Variants in WDR88 observed in about 807,000 individuals in gnomAD.
WDR88 encodes the protein WD repeat-containing protein 88.
In WDR88, 40 loss-of-function variants were observed where a neutral mutation model predicts 46.8. The ratio of observed to expected loss-of-function variants is 0.86; its 90% CI spans 0.66 to 1.11. WDR88 has a LOEUF of 1.11. WDR88 is among the 50% of genes most tolerant of loss of function. WDR88 has a pLI of 0.00. For synonymous variants in WDR88, 235 were observed against 240.7 expected (o/e 0.98, Z 0.22); for missense variants, 562 against 602.4 (o/e 0.93, Z 0.70).
chr19:33,163,264 C>T (rs1025763439), intron 8 of WDR88, among the ~76,000 whole-genome samples: 5 of 150,552 alleles, frequency 3.3e-5, no homozygotes, highest in Non-Finnish European at 4.4e-5. Context: ...ACTTGGGAGG[C>T]GGAGCTTGCA....
intron 5 of WDR88, among the ~76,000 whole-genome samples, chr19:33,149,643 C>T (rs1437452481): frequency 6.6e-6 from 1 of 151,472 alleles, no homozygotes; most frequent in Non-Finnish European, 1.5e-5. Flanking sequence ...CCCCCTCACC[C>T]GGCCTACCTG....
intron 10 of WDR88, chr19:33,174,293 C>T: frequency 6.5e-7 from 1 of 1,531,252 alleles, no homozygotes; most frequent in Non-Finnish European, 8.7e-7. Flanking sequence ...GAGGCCTGCC[C>T]CAGGTAGGGT....
rs754265385 is a variant in WDR88, at chr19:33,144,944, C to T, written c.476+12C>T. 7.4e-6 allele frequency: 12 copies of T among 1,611,042 alleles called. No homozygotes were observed. Among genetic ancestry groups the T allele is most frequent in the Admixed American group, 1.7e-5 (1 of 59,604 alleles). Reference sequence around the variant, plus strand: ...GGCGACAGCAGCAGGTGACCTTTCCCTCGTCTTACACTGGGAAGAGGGAGG... The same window carrying T: ...GGCGACAGCAGCAGGTGACCTTTCCTTCGTCTTACACTGGGAAGAGGGAGG... On this transcript the variant is annotated intron_variant, in intron 3 of 10. Coordinates refer to ENST00000355868, the MANE Select transcript of WDR88 (RefSeq NM_173479.4).
At chr19:33,151,462 G>A in intron 6 of WDR88, 152 bp downstream of exon 6, 1 of 975,558 alleles carries the variant, frequency 1.0e-6, no homozygotes, top group Non-Finnish European at 1.5e-6. Context: ...AGGCAGGAGG[G>A]AGCCATCAGC....
At chr19:33,157,675 GTGTGTATGTA>G (rs1187052462) in intron 7 of WDR88, among the ~76,000 whole-genome samples, 8,382 of 16,414 alleles carry the variant, frequency 0.51, 521 homozygotes, top group South Asian at 0.59. Context: ...GTATGTGTGT[GTGTGTATGTA>G]TGTATATATA....
intron 10 of WDR88, chr19:33,174,948 A>G: frequency 1.0e-6 from 1 of 985,440 alleles, no homozygotes; most frequent in Non-Finnish European, 1.2e-6. Flanking sequence ...GAGATTCCAG[A>G]GAGGGGCTGC....
intron 2 of WDR88, among the ~76,000 whole-genome samples, chr19:33,138,585 G>A (rs1432971647): frequency 1.3e-5 from 2 of 151,798 alleles, no homozygotes; most frequent in East Asian, 1.9e-4. Context: ...GACTTCAGAT[G>A]ATCCACCTGC....
At position 33,137,735 on chromosome 19, in the gene WDR88, TG is replaced by T; in HGVS notation, c.337del (p.Asp113MetfsTer14). On this transcript the variant is annotated frameshift_variant, in exon 2 of 11. Coordinates refer to ENST00000355868, the MANE Select transcript of WDR88 (RefSeq NM_173479.4). LOFTEE classifies it high-confidence loss of function. ...GCTGTGAGCACCTGCCACTTCTGTG[TG>T]GATGACACAAAGCTCCTCAGTGGCT... is the stretch of plus-strand genomic sequence containing the variant. ...EHAVSTCHFCVDDTKLLSGSY... is the reference protein window; with the variant it reads ...EHAVSTCHFCXDDTKLLSGSY... The T allele has an allele frequency of 6.2e-7, 1 of 1,613,944 alleles. No individual in the cohort carries two copies. The highest frequency in any genetic ancestry group is 8.5e-7 in the Non-Finnish European group (1 of 1,180,016).
At chr19:33,159,382 A>ATAAC (rs200087009) in intron 7 of WDR88, among the ~76,000 whole-genome samples, 2,292 of 144,144 alleles carry the variant, frequency 0.016, 43 homozygotes, top group Middle Eastern at 0.025. Flanking sequence ...AAATAAATAA[A>ATAAC]TAACAAATAA....
chr19:33,173,204 T>C (rs1310230345), intron 10 of WDR88, among the ~76,000 whole-genome samples: 2 of 129,090 alleles, frequency 1.5e-5, no homozygotes, highest in African/African-American at 6.0e-5. Context: ...ATCGGAGGGG[T>C]GGAGTGAGGG....
At chr19:33,142,760 C>T (rs1973423929) in intron 2 of WDR88, 1 of 143,394 alleles carries the variant, frequency 7.0e-6, no homozygotes, top group Admixed American at 7.6e-5. Context: ...GTAATCCCAG[C>T]AATTTGGGAG....
chr19:33,152,234 A>AATATATATATATATAT (rs58282641), intron 6 of WDR88, among the ~76,000 whole-genome samples: 121 of 147,478 alleles, frequency 8.2e-4, no homozygotes, highest in African/African-American at 1.9e-3. Context: ...TCTGTCTCAA[A>AATATATATATATATAT]ATATATATAT....
chr19:33,152,201 C>A (rs1036507445), intron 6 of WDR88, among the ~76,000 whole-genome samples: 13 of 151,552 alleles, frequency 8.6e-5, no homozygotes, highest in African/African-American at 3.2e-4. Flanking sequence ...CACTGCACTC[C>A]AGCCTAGGTG....
At chr19:33,151,067 G>C in intron 5 of WDR88, 114 bp from the exon 6 acceptor site, 1 of 1,267,696 alleles carries the variant, frequency 7.9e-7, no homozygotes, top group South Asian at 1.5e-5. Context: ...TGTAGCTCCT[G>C]ATGAAAACTG....
intron 1 of WDR88, among the ~76,000 whole-genome samples, chr19:33,135,528 C>G (rs1400113483): frequency 2.0e-5 from 3 of 152,050 alleles, no homozygotes; most frequent in African/African-American, 7.2e-5. Flanking sequence ...AAGCGATTCT[C>G]CAGTCTCAGT....
chr19:33,160,989 T>C (rs887200493), intron 8 of WDR88, among the ~76,000 whole-genome samples: 4 of 151,732 alleles, frequency 2.6e-5, no homozygotes, highest in African/African-American at 9.7e-5. Flanking sequence ...CTGGCCAACA[T>C]GGTGAAACCC....
chr19:33,147,558 G>T, intron 3 of WDR88, 87 bp from the exon 4 acceptor site: 1 of 1,319,098 alleles, frequency 7.6e-7, no homozygotes. Context: ...AGCCGGTATT[G>T]CACCACTGCA....
At chr19:33,135,052 TG>T (rs968213590) in intron 1 of WDR88, among the ~76,000 whole-genome samples, 18 of 20,072 alleles carry the variant, frequency 9.0e-4, no homozygotes, top group Non-Finnish European at 2.1e-3. Flanking sequence ...CTGGGGTGGG[TG>T]GGTGGGGGGG....
intron 2 of WDR88, among the ~76,000 whole-genome samples, chr19:33,144,259 G>C (rs1209089738): frequency 6.6e-6 from 1 of 152,176 alleles, no homozygotes; most frequent in Non-Finnish European, 1.5e-5. Context: ...GAATGAAGTG[G>C]CGCAATCTTA....
Sources: allele counts gnomAD v4.1 joint callset (sites outside exome capture counted in the v4.1 genomes callset), GRCh38; gene constraint gnomAD v4.1.1; transcripts MANE v1.5; gene names NCBI Gene and HGNC (gene_info 2026-07-23, HGNC 2026-07-21).